The following AHDC1 variants were observed in gnomAD, a reference collection of about 807,000 sequenced individuals.
AHDC1 encodes the protein AT-hook DNA binding motif containing 1, also known as transcription factor Gibbin.
In AHDC1, 7 loss-of-function variants were observed where a neutral mutation model predicts 87.9. That is an observed-to-expected ratio of 0.08 (90% CI 0.05 to 0.15). The LOEUF is 0.15. AHDC1 is among the 10% of genes least tolerant of loss of function. The pLI is 1.00. For missense variants in AHDC1, 1,841 were observed against 2,253.2 expected (o/e 0.82, Z 3.70); for synonymous variants, 1,051 against 1,006.8 (o/e 1.04, Z -0.83).
chr1:27,546,487 C>G (rs1240305044), intron 8 of AHDC1, among the ~76,000 whole-genome samples: 1 of 152,208 alleles, frequency 6.6e-6, no homozygotes, highest in Non-Finnish European at 1.5e-5. Flanking sequence ...ACTGGCTTTT[C>G]TAGGGTCAAA....
intron 3 of AHDC1, among the ~76,000 whole-genome samples, chr1:27,569,054 C>T (rs2020455206): frequency 6.7e-6 from 1 of 149,724 alleles, no homozygotes; most frequent in Admixed American, 6.6e-5. Context: ...CCACTTGCCA[C>T]ATACTCAAAG....
chr1:27,548,676 T>C lies in AHDC1; in HGVS notation c.3440A>G (p.Asn1147Ser). The C allele has an allele frequency of 6.2e-7, 1 of 1,613,378 alleles. No homozygotes were observed. The highest frequency in any genetic ancestry group is 8.5e-7 in the Non-Finnish European group (1 of 1,180,034). Residue 1147 changes from asparagine (N) to serine (S), a missense_variant, in exon 8 of 9, where the codon AAC (asparagine) becomes AGC (serine). Physicochemically the swap from Asn to Ser is conservative, Grantham distance 46. Coordinates refer to ENST00000673934, the MANE Select transcript of AHDC1 (RefSeq NM_001371928.1). Reference sequence around the variant, plus strand: ...CTGCTTCACCTTCTGCGGTGTGTAGTTGGAGATGTCCAGGATCACGTTGGG... The same window carrying C: ...CTGCTTCACCTTCTGCGGTGTGTAGCTGGAGATGTCCAGGATCACGTTGGG... ...SEPNVILDIS[N>S]YTPQKVKQQT... is the part of the protein sequence containing the mutation.
In AHDC1 at chr1:27,563,129, G is replaced by A. The variant is rs1390463485; in HGVS notation, c.-628-4246C>T. Reference sequence around the variant, plus strand: ...CTGACCAAGACACACACACACGCACGCACGCATGCATGCACACACCCACAC... The same window carrying A: ...CTGACCAAGACACACACACACGCACACACGCATGCATGCACACACCCACAC... On this transcript the variant is annotated intron_variant, in intron 3 of 8. Transcript: ENST00000673934. This position sits in a 1 kb window ranked among gnomAD's most constrained non-coding sequence, Gnocchi z 6.1. Among the ~76,000 whole-genome samples the A allele has an allele frequency of 2.7e-5, 4 of 149,310 alleles. No homozygotes were observed. Among genetic ancestry groups the A allele is most frequent in the Non-Finnish European group, 4.5e-5 (3 of 67,294 alleles).
At chr1:27,555,398 C>G (rs969558658) in intron 5 of AHDC1, among the ~76,000 whole-genome samples, 10 of 152,212 alleles carry the variant, frequency 6.6e-5, no homozygotes, top group African/African-American at 2.2e-4. Context: ...GTTGCCCACC[C>G]AGGTGGAACA....
chr1:27,573,088 C>G (rs2088592841), intron 3 of AHDC1, among the ~76,000 whole-genome samples: 1 of 152,144 alleles, frequency 6.6e-6, no homozygotes, highest in African/African-American at 2.4e-5. Context: ...CACCAGTATC[C>G]CTGAAGGGTG....
At chr1:27,543,417 G>C (rs1025907318) in intron 8 of AHDC1, among the ~76,000 whole-genome samples, 1 of 152,212 alleles carries the variant, frequency 6.6e-6, no homozygotes, top group African/African-American at 2.4e-5. Context: ...CGTCCCATCA[G>C]CCACAGCTCT....
Position 27,561,623 on chromosome 1 carries a change from G to A in AHDC1, c.-628-2740C>T, listed in dbSNP as rs184554023. ...CTGCTCTGGCCTCCTTGTTCAGGGG[G>A]TGTTGGCTGGGGGAGATTTGTTCTG... On this transcript the variant is annotated intron_variant, in intron 3 of 8. Coordinates refer to ENST00000673934, the MANE Select transcript of AHDC1 (RefSeq NM_001371928.1). The surrounding 1 kb of genome is among the most constrained non-coding windows in gnomAD (Gnocchi z 4.2). 6.6e-6 allele frequency among the ~76,000 whole-genome samples: 1 copy of A among 152,162 alleles called. No homozygotes were observed. The highest frequency in any genetic ancestry group is 2.4e-5 in the African/African-American group (1 of 41,462).
rs941418374 is a variant in AHDC1 at position 27,558,618 on chromosome 1, C to G, written c.-451+88G>C. On this transcript the variant is annotated intron_variant, in intron 4 of 8. Coordinates refer to ENST00000673934, the MANE Select transcript of AHDC1 (RefSeq NM_001371928.1). The surrounding 1 kb of genome is among the most constrained non-coding windows in gnomAD (Gnocchi z 5.6). ...TTTTTGACCTAAGCTGGGAGGGGATCCCTGTTGGGACTGGGAGGCAAGTTC... is the reference window on the plus strand; with the variant it reads ...TTTTTGACCTAAGCTGGGAGGGGATGCCTGTTGGGACTGGGAGGCAAGTTC... The G allele has an allele frequency of 1.3e-5, 5 of 397,756 alleles. No individual in the cohort carries two copies. The highest frequency in any genetic ancestry group is 1.0e-4 in the African/African-American group (5 of 48,624). 24.6% of individuals were successfully genotyped at this position (397,756 alleles called of 1,614,324 possible).
chr1:27,573,307 CAG>C, intron 3 of AHDC1, among the ~76,000 whole-genome samples: 1 of 152,218 alleles, frequency 6.6e-6, no homozygotes. Context: ...AACCAAGGCC[CAG>C]AGAGGGGAAG....
rs753822333 is a variant in AHDC1, at chr1:27,551,450, G to A, written c.666C>T (p.Ala222=). The A allele has an allele frequency of 3.1e-6, 5 of 1,611,984 alleles. No homozygotes were observed. In the Admixed American group the frequency reaches 5.0e-5, roughly 16 times the overall value. The change falls in exon 8 of 9, where the codon GCC becomes GCT. Residue 222 remains alanine, a synonymous_variant. Coordinates refer to ENST00000673934, the MANE Select transcript of AHDC1 (RefSeq NM_001371928.1). Reference sequence around the variant, plus strand: ...GCTCAGGCTCTGGGGGCAGACCCGTGGCCGCAGCCGTGGCTCCGGGACTAT... The same window carrying A: ...GCTCAGGCTCTGGGGGCAGACCCGTAGCCGCAGCCGTGGCTCCGGGACTAT... ...QGHSPGATAA[A]TGLPPEPEPD...
Position 27,595,218 on chromosome 1 carries a change from G to C in AHDC1, c.-629+8179C>G, listed in dbSNP as rs1264474760. Among the ~76,000 whole-genome samples, 1 of 152,042 alleles carries C rather than the reference G, an allele frequency of 6.6e-6. No homozygotes were observed. The highest frequency in any genetic ancestry group is 1.9e-4 in the East Asian group (1 of 5,190). ...AGCAGTGAGTGTATGTGTGTTGTAG[G>C]GGGAGGCTGTATGTTTGGAAAGGTA... On this transcript the variant is annotated intron_variant, in intron 3 of 8. Transcript: ENST00000673934. The surrounding 1 kb of genome is among the most constrained non-coding windows in gnomAD (Gnocchi z 4.0).
At chr1:27,576,730 A>G (rs891099733) in intron 3 of AHDC1, among the ~76,000 whole-genome samples, 1 of 152,158 alleles carries the variant, frequency 6.6e-6, no homozygotes, top group Non-Finnish European at 1.5e-5. Context: ...TCCCAGTTCC[A>G]GGCATGAGGG....
At chr1:27,602,796 C>T (rs952480870) in intron 3 of AHDC1, among the ~76,000 whole-genome samples, 2 of 152,178 alleles carry the variant, frequency 1.3e-5, no homozygotes, top group African/African-American at 4.8e-5. Flanking sequence ...CCTAGCCGCC[C>T]CCAAATCCCT....
rs567136890 is a variant in AHDC1 at position 27,565,582 on chromosome 1, C to T, written c.-628-6699G>A. On this transcript the variant is annotated intron_variant, in intron 3 of 8. Coordinates refer to ENST00000673934, the MANE Select transcript of AHDC1 (RefSeq NM_001371928.1). This position sits in a 1 kb window ranked among gnomAD's most constrained non-coding sequence, Gnocchi z 4.6. ...TCCCCCGGCGCTGGTGAGCAAGGGG[C>T]GGGAGTCACTCTAGTCTTTCCTTGT... Among the ~76,000 whole-genome samples the T allele has an allele frequency of 1.3e-5, 2 of 152,274 alleles. No individual in the cohort carries two copies. The highest frequency in any genetic ancestry group is 4.8e-5 in the African/African-American group (2 of 41,542).
intron 3 of AHDC1, among the ~76,000 whole-genome samples, chr1:27,602,518 C>T (rs2089557292): frequency 6.6e-6 from 1 of 152,144 alleles, no homozygotes; most frequent in Non-Finnish European, 1.5e-5. Flanking sequence ...TCAGAGCCAG[C>T]CCCCTGCCCC....
At chr1:27,596,832 TACCTG>T (rs2089387618) in intron 3 of AHDC1, among the ~76,000 whole-genome samples, 1 of 151,838 alleles carries the variant, frequency 6.6e-6, no homozygotes, top group Admixed American at 6.6e-5. Flanking sequence ...CACACATACA[TACCTG>T]ACAAGTCACT....
At chr1:27,581,684 C>T (rs766889958) in intron 3 of AHDC1, among the ~76,000 whole-genome samples, 24 of 152,202 alleles carry the variant, frequency 1.6e-4, no homozygotes, top group African/African-American at 4.6e-4. Flanking sequence ...TCTTCCACCT[C>T]GAGCTAGCTA....
intron 3 of AHDC1, among the ~76,000 whole-genome samples, chr1:27,569,166 T>A (rs934894443): frequency 8.6e-5 from 13 of 151,820 alleles, no homozygotes; most frequent in African/African-American, 3.1e-4. Context: ...GAAACTGTCT[T>A]CTCCCTCATA....
chr1:27,563,551 C>T lies in AHDC1; in HGVS notation c.-628-4668G>A, dbSNP rs1040806663. On this transcript the variant is annotated intron_variant, in intron 3 of 8. Transcript: ENST00000673934. The surrounding 1 kb of genome is among the most constrained non-coding windows in gnomAD (Gnocchi z 6.1). The stretch of plus-strand genomic sequence containing the variant: ...AGGTGACAGCCCACCTCACCCCTCC[C>T]CCATCACTGTCACCAGCCTGGGTGG... Among the ~76,000 whole-genome samples the T allele has an allele frequency of 6.6e-5, 10 of 152,224 alleles. No homozygotes were observed. Among genetic ancestry groups the T allele is most frequent in the Non-Finnish European group, 1.5e-5 (1 of 68,028 alleles).
Sources: gnomAD v4.1 joint callset for allele counts (sites outside exome capture counted in the v4.1 genomes callset) on GRCh38, gnomAD v4.1.1 for gene constraint, Gnocchi (gnomAD v3.1) non-coding constraint, MANE v1.5 for transcripts, NCBI Gene and HGNC (gene_info 2026-07-23, HGNC 2026-07-21) for gene names.